The following RBBP4 variants were observed in gnomAD, a reference collection of about 807,000 sequenced individuals.
The protein encoded by RBBP4 is histone-binding protein RBBP4.
Under a neutral mutation model 57.2 loss-of-function variants are expected in RBBP4, and 3 were observed. The ratio of observed to expected loss-of-function variants is 0.05; its 90% CI spans 0.02 to 0.14. The LOEUF (loss-of-function observed/expected upper bound fraction) is 0.14, where lower values mean the gene tolerates loss of function less well. Among genes scored for constraint, RBBP4 ranks in the 10% least tolerant of loss-of-function variants. The pLI, the probability that RBBP4 is intolerant of heterozygous loss-of-function variation, is 1.00. For synonymous variants in RBBP4, 151 were observed against 171.5 expected, an observed-to-expected ratio of 0.88 and a Z score of 0.93; for missense variants, 107 against 520.6, an observed-to-expected ratio of 0.21 and a Z score of 7.73.
At position 32,681,182 on chromosome 1, in the gene RBBP4, AC is replaced by A. The variant is rs1279541101; in HGVS notation, c.*1478del. ...GAGTAGATCATTCTGACCCAGAACT[AC>A]TTTCATGAGGTAAGATCTTTGGGAA... On this transcript the variant is annotated 3_prime_UTR_variant, in exon 12 of 12. Transcript: ENST00000373493. 3 of 152,452 alleles carry A rather than the reference AC, an allele frequency of 2.0e-5. No individual in the cohort carries two copies. The highest frequency in any genetic ancestry group is 7.2e-5 in the African/African-American group (3 of 41,450). The allele number at this position is 152,452 out of a possible 1,614,324, so 9.4% of individuals were successfully genotyped here.
At position 32,681,457 on chromosome 1, in the gene RBBP4, C is replaced by A. The variant is rs1649430832; in HGVS notation, c.*1752C>A. The A allele has an allele frequency of 4.9e-6, 1 of 204,798 alleles. No homozygotes were observed. Among genetic ancestry groups the A allele is most frequent in the Admixed American group, 5.8e-5 (1 of 17,174 alleles). The allele number at this position is 204,798 out of a possible 1,614,324, so 12.7% of individuals were successfully genotyped here. On this transcript the variant is annotated 3_prime_UTR_variant, in exon 12 of 12. Transcript: ENST00000373493. ...CTATCTTTTTGACCCCACATGTGCC[C>A]CTCAAAAATGTTTTTGGTTTGGGTC...
intron 11 of RBBP4, chr1:32,673,507 G>A (rs372607806): frequency 1.3e-4 from 55 of 417,520 alleles, no homozygotes; most frequent in Non-Finnish European, 2.3e-5. Flanking sequence ...GTGCAATCTC[G>A]GCTCACTGCA....
At position 32,679,694 on chromosome 1, in the gene RBBP4, C is replaced by A; in HGVS notation, c.1267C>A (p.Gln423Lys). The change falls in exon 12 of 12, where the codon CAA becomes AAA. Residue 423 changes from glutamine (Q) to lysine (K), a missense_variant. Physicochemically the swap from Gln to Lys is moderately conservative, Grantham distance 53 (BLOSUM62 1). Transcript: ENST00000373493. Reference protein sequence around the residue: ...DPEGSVDPEGQGS With the variant: ...DPEGSVDPEGKGS ...TGAAGGAAGCGTGGATCCAGAAGGA[C>A]AAGGGTCCTAGATATGTCTTTACTT... is the stretch of plus-strand genomic sequence containing the variant. 1.2e-6 allele frequency: 2 copies of A among 1,611,430 alleles called. No individual in the cohort carries two copies. Among genetic ancestry groups the A allele is most frequent in the Non-Finnish European group, 1.7e-6 (2 of 1,179,038 alleles).
intron 11 of RBBP4, among the ~76,000 whole-genome samples, chr1:32,676,700 T>C (rs181688822): frequency 2.6e-4 from 39 of 152,266 alleles, no homozygotes; most frequent in Admixed American, 1.4e-3. Context: ...TTCTGTATTA[T>C]AATTTTTTTA....
At chr1:32,653,693 C>T (rs1648009481) in intron 2 of RBBP4, among the ~76,000 whole-genome samples, 1 of 112,752 alleles carries the variant, frequency 8.9e-6, no homozygotes, top group Non-Finnish European at 1.7e-5. Flanking sequence ...GGAGTCTCCT[C>T]TCTTGCCCAG....
rs1649575945 is a variant in RBBP4, at chr1:32,683,289, TAAG to T, written c.*3585_*3587del. 7.4e-6 allele frequency: 1 copy of T among 134,944 alleles called. No individual in the cohort carries two copies. The highest frequency in any genetic ancestry group is 2.7e-5 in the African/African-American group (1 of 36,446). The allele number at this position is 134,944 out of a possible 1,614,324, so 8.4% of individuals were successfully genotyped here. A position where few individuals can be genotyped will look rare whatever the true frequency, so the allele number is the denominator to read the frequency against. ...CAAAAAAAAAAAAAAAAAAAAAGAG[TAAG>T]TCTGTGTAACATGAACATCTCTGCT... On this transcript the variant is annotated 3_prime_UTR_variant, in exon 12 of 12. Coordinates refer to ENST00000373493, the MANE Select transcript of RBBP4 (RefSeq NM_005610.3).
At position 32,679,693 on chromosome 1, in the gene RBBP4, A is replaced by G; in HGVS notation, c.1266A>G (p.Gly422=). 2.5e-6 allele frequency: 4 copies of G among 1,611,944 alleles called. No homozygotes were observed. In the Admixed American group the frequency reaches 6.7e-5, roughly 27 times the overall value. ...EDPEGSVDPE[G]QGS ...CTGAAGGAAGCGTGGATCCAGAAGG[A>G]CAAGGGTCCTAGATATGTCTTTACT... The change falls in exon 12 of 12, where the codon GGA becomes GGG. Residue 422 remains glycine (G), a synonymous_variant. Transcript: ENST00000373493.
intron 1 of RBBP4, 138 bp downstream of exon 1, chr1:32,651,460 C>T (rs916903359): frequency 1.6e-5 from 22 of 1,366,084 alleles, no homozygotes; most frequent in Non-Finnish European, 2.0e-5. Context: ...AGGGAACTCC[C>T]CGCGGGGCGT....
At chr1:32,666,506 G>C (rs1376791723) in intron 3 of RBBP4, among the ~76,000 whole-genome samples, 1 of 152,014 alleles carries the variant, frequency 6.6e-6, no homozygotes, top group Non-Finnish European at 1.5e-5. Flanking sequence ...ACAGGCGCCT[G>C]CCACGACGCC....
rs530922465 is a variant in RBBP4, at chr1:32,680,464, A to G, written c.*759A>G. 9 of 1,535,276 alleles carry G rather than the reference A, an allele frequency of 5.9e-6. No individual in the cohort carries two copies. The highest frequency in any genetic ancestry group is 4.1e-5 in the Admixed American group (2 of 48,616). On this transcript the variant is annotated 3_prime_UTR_variant, in exon 12 of 12. Transcript: ENST00000373493. ...CTGTCAAGTTGAGAAGAGTGAATCA[A>G]TAACTTGTATTTGTTTTAAAAATTA...
chr1:32,674,178 A>C (rs1648997638), intron 11 of RBBP4, among the ~76,000 whole-genome samples: 1 of 152,214 alleles, frequency 6.6e-6, no homozygotes. Flanking sequence ...ACTTAATGCC[A>C]CTGAACTGTA....
In RBBP4 at chr1:32,683,663, T is replaced by G; in HGVS notation, c.*3958T>G. On this transcript the variant is annotated 3_prime_UTR_variant, in exon 12 of 12. Coordinates refer to ENST00000373493, the MANE Select transcript of RBBP4 (RefSeq NM_005610.3). ...GTTTTTGTTTTGTTTTGAGGCAGTC[T>G]CACTCTGTTGTACAAGCTGGAGTGC... 5.7e-6 allele frequency: 1 copy of G among 174,194 alleles called. No homozygotes were observed. Among genetic ancestry groups the G allele is most frequent in the East Asian group, 1.6e-4 (1 of 6,424 alleles). 10.8% of individuals were successfully genotyped at this position (174,194 alleles called of 1,614,324 possible).
chr1:32,666,219 C>A (rs191069857), intron 3 of RBBP4, among the ~76,000 whole-genome samples: 1 of 152,162 alleles, frequency 6.6e-6, no homozygotes, highest in Non-Finnish European at 1.5e-5. Flanking sequence ...TCAGAACATT[C>A]ATCCCAAGCT....
At position 32,682,880 on chromosome 1, in the gene RBBP4, T is replaced by A. The variant is rs1557866342; in HGVS notation, c.*3175T>A. ...GACTTTCTTTTATCCTTAGTTTCTT[T>A]CACGGACTCTAGAACTTTTATCAGA... On this transcript the variant is annotated 3_prime_UTR_variant, in exon 12 of 12. Coordinates refer to ENST00000373493, the MANE Select transcript of RBBP4 (RefSeq NM_005610.3). The A allele has an allele frequency of 2.0e-5, 3 of 152,216 alleles. No individual in the cohort carries two copies. Among genetic ancestry groups the A allele is most frequent in the Non-Finnish European group, 4.4e-5 (3 of 68,048 alleles). The allele number at this position is 152,216 out of a possible 1,614,324, so 9.4% of individuals were successfully genotyped here. A position where few individuals can be genotyped will look rare whatever the true frequency, so the allele number is the denominator to read the frequency against.
rs1253337915 is a variant in RBBP4 at position 32,680,111 on chromosome 1, T to C, written c.*406T>C. 1 of 1,063,294 alleles carries C rather than the reference T, an allele frequency of 9.4e-7. No individual in the cohort carries two copies. The highest frequency in any genetic ancestry group is 1.7e-5 in the African/African-American group (1 of 59,280). 65.9% of individuals were successfully genotyped at this position (1,063,294 alleles called of 1,614,324 possible). A position where few individuals can be genotyped will look rare whatever the true frequency, so the allele number is the denominator to read the frequency against. ...GTATAAATACTGAAAGATGTCACTT[T>C]TATTCAGGAAATAGGGGGAGATTCA... On this transcript the variant is annotated 3_prime_UTR_variant, in exon 12 of 12. Transcript: ENST00000373493.
intron 1 of RBBP4, chr1:32,651,534 C>A: frequency 7.8e-7 from 1 of 1,278,954 alleles, no homozygotes; most frequent in Non-Finnish European, 1.0e-6. Context: ...AGCGGTGGGG[C>A]CCCCGGCCAG....
Position 32,681,783 on chromosome 1 carries a change from G to A in RBBP4, c.*2078G>A, listed in dbSNP as rs1288733625. The A allele has an allele frequency of 1.2e-6, 2 of 1,613,762 alleles. No homozygotes were observed. The highest frequency in any genetic ancestry group is 1.7e-6 in the Non-Finnish European group (2 of 1,179,884). ...TCTGGTTGGAAGAGTACATCCAAAGGGTACTTAGTGATCCTTTGCTAAGAA... is the reference window on the plus strand; with the variant it reads ...TCTGGTTGGAAGAGTACATCCAAAGAGTACTTAGTGATCCTTTGCTAAGAA... On this transcript the variant is annotated 3_prime_UTR_variant, in exon 12 of 12. Transcript: ENST00000373493.
intron 11 of RBBP4, among the ~76,000 whole-genome samples, chr1:32,676,540 G>T (rs897252211): frequency 6.6e-6 from 1 of 151,470 alleles, no homozygotes; most frequent in Non-Finnish European, 1.5e-5. Flanking sequence ...AACCCAGGAG[G>T]CGGAGGAGTT....
At chr1:32,668,899 G>A in intron 5 of RBBP4, 45 bp downstream of exon 5, 3 of 1,612,582 alleles carry the variant, frequency 1.9e-6, no homozygotes, top group Non-Finnish European at 1.7e-6. Flanking sequence ...CTAGTTACCA[G>A]TTGGTTTCTT....
Sources: gnomAD v4.1 joint callset for allele counts (sites outside exome capture counted in the v4.1 genomes callset) on GRCh38, gnomAD v4.1.1 for gene constraint, MANE v1.5 for transcripts, NCBI Gene and HGNC (gene_info 2026-07-23, HGNC 2026-07-21) for gene names.